MEI4: variants seen among roughly 807,000 people sequenced by gnomAD.
MEI4 encodes the protein meiosis-specific protein MEI4.
Under a neutral mutation model 31.4 loss-of-function variants are expected in MEI4, and 27 were observed. That is an observed-to-expected ratio of 0.86 (90% CI 0.63 to 1.19). MEI4 has a LOEUF of 1.19. Among genes scored for constraint, MEI4 ranks in the 50% most tolerant of loss-of-function variants. The probability of loss-of-function intolerance (pLI) is 0.00; values close to 1 mark genes in which losing one functional copy is unlikely to be tolerated. For missense variants in MEI4, 329 were observed against 398.9 expected (o/e 0.82, Z 1.49); for synonymous variants, 122 against 145.4 (o/e 0.84, Z 1.16).
chr6:77,789,381 C>A (rs1024477447), intron 3 of MEI4, among the ~76,000 whole-genome samples: 18 of 152,160 alleles, frequency 1.2e-4, no homozygotes, highest in Non-Finnish European at 2.6e-4. Flanking sequence ...AAAGCAATGA[C>A]AACAAAAGCC....
chr6:77,811,102 A>G (rs1444459526), intron 3 of MEI4, among the ~76,000 whole-genome samples: 12 of 152,210 alleles, frequency 7.9e-5, no homozygotes, highest in Non-Finnish European at 1.8e-4. Flanking sequence ...CATTGTTTGT[A>G]GATGATCTCC....
At chr6:77,879,238 T>C (rs1218023441) in intron 4 of MEI4, among the ~76,000 whole-genome samples, 2 of 152,228 alleles carry the variant, frequency 1.3e-5, no homozygotes, top group African/African-American at 4.8e-5. Flanking sequence ...TTTCTGTTTA[T>C]ATGCTGTGAA....
At position 77,925,030 on chromosome 6, in the gene MEI4, G is replaced by GTTGA. The variant is rs1766812194; in HGVS notation, c.*1686_*1689dup. 1.3e-5 allele frequency: 2 copies of GTTGA among 151,882 alleles called. No individual in the cohort carries two copies. Among genetic ancestry groups the GTTGA allele is most frequent in the Non-Finnish European group, 2.9e-5 (2 of 67,906 alleles). 9.4% of individuals were successfully genotyped at this position (151,882 alleles called of 1,614,324 possible). On this transcript the variant is annotated 3_prime_UTR_variant, in exon 5 of 5. Coordinates refer to ENST00000684080, the MANE Select transcript of MEI4 (RefSeq NM_001322247.2). ...GTGAAGGCTTATGGAAGTCACTTCAGTTGATATAGCATTACACAAAATCCA... is the reference window on the plus strand; with the variant it reads ...GTGAAGGCTTATGGAAGTCACTTCAGTTGATTGATATAGCATTACACAAAATCCA...
chr6:77,777,336 G>A (rs1408982166), intron 3 of MEI4, among the ~76,000 whole-genome samples: 1 of 152,052 alleles, frequency 6.6e-6, no homozygotes, highest in Non-Finnish European at 1.5e-5. Flanking sequence ...AGCTCTACTA[G>A]TTACCTCTGG....
chr6:77,735,755 C>G (rs752767702), intron 2 of MEI4, among the ~76,000 whole-genome samples: 3 of 152,022 alleles, frequency 2.0e-5, no homozygotes. Context: ...TTTTCCCCAT[C>G]TTTGTGGTTT....
chr6:77,658,385 A>G (rs1040565994), intron 1 of MEI4, among the ~76,000 whole-genome samples: 84 of 152,242 alleles, frequency 5.5e-4, no homozygotes, highest in African/African-American at 1.8e-3. Flanking sequence ...TGGATCTTCA[A>G]TTACTTTAGG....
intron 3 of MEI4, among the ~76,000 whole-genome samples, chr6:77,797,022 C>G (rs1431072486): frequency 1.3e-5 from 2 of 151,966 alleles, no homozygotes; most frequent in African/African-American, 2.4e-5. Flanking sequence ...ATAGATACCT[C>G]AAAAATAAAC....
chr6:77,849,418 G>T (rs999148029), intron 4 of MEI4, among the ~76,000 whole-genome samples: 1 of 152,160 alleles, frequency 6.6e-6, no homozygotes, highest in Non-Finnish European at 1.5e-5. Flanking sequence ...AGGTGCCTGT[G>T]TGTGTGAGAG....
chr6:77,734,012 T>G (rs893351496), intron 2 of MEI4, among the ~76,000 whole-genome samples: 3 of 152,092 alleles, frequency 2.0e-5, no homozygotes, highest in African/African-American at 7.3e-5. Flanking sequence ...ATAATTTCTT[T>G]TCTTTTACAC....
intron 3 of MEI4, among the ~76,000 whole-genome samples, chr6:77,764,994 A>G (rs1350409970): frequency 6.6e-6 from 1 of 152,218 alleles, no homozygotes; most frequent in African/African-American, 2.4e-5. Flanking sequence ...GAATGTCTAC[A>G]TCAAAAAATA....
At chr6:77,863,240 CTT>C (rs1331783110) in intron 4 of MEI4, among the ~76,000 whole-genome samples, 2 of 152,152 alleles carry the variant, frequency 1.3e-5, no homozygotes, top group Non-Finnish European at 2.9e-5. Context: ...TAGAGAATGA[CTT>C]TGATGAGTTT....
At chr6:77,660,818 C>T (rs557519632) in intron 1 of MEI4, among the ~76,000 whole-genome samples, 8 of 152,156 alleles carry the variant, frequency 5.3e-5, no homozygotes, top group East Asian at 3.9e-4. Flanking sequence ...ATCCTGCAGG[C>T]GGACGGCAGT....
intron 2 of MEI4, among the ~76,000 whole-genome samples, chr6:77,735,769 CTATTT>C (rs1767181479): frequency 6.6e-6 from 1 of 152,028 alleles, no homozygotes; most frequent in South Asian, 2.1e-4. Context: ...GTGGTTTTAT[CTATTT>C]TTGGTCTTTG....
rs557575074 is a variant in MEI4, at chr6:77,736,225, TC to T, written c.233-24900del. Among the ~76,000 whole-genome samples, 90 of 151,326 alleles carry T rather than the reference TC, an allele frequency of 5.9e-4. 4 individuals are homozygous for T. Among genetic ancestry groups the T allele is most frequent in the African/African-American group, 1.6e-3 (65 of 41,152 alleles). On this transcript the variant is annotated intron_variant, in intron 2 of 4. Coordinates refer to ENST00000684080, the MANE Select transcript of MEI4 (RefSeq NM_001322247.2). ...AAGCCTGGGCAATGGCGGGCGCCCCTCCCCCAACCTTGCTGCCCCCTTGCAG... is the reference window on the plus strand; with the variant it reads ...AAGCCTGGGCAATGGCGGGCGCCCCTCCCCAACCTTGCTGCCCCCTTGCAG...
chr6:77,656,096 C>T (rs1270018257), intron 1 of MEI4, among the ~76,000 whole-genome samples: 1 of 151,956 alleles, frequency 6.6e-6, no homozygotes, highest in Non-Finnish European at 1.5e-5. Flanking sequence ...TATTAGATTG[C>T]TTTCACCATG....
chr6:77,665,199 A>C (rs1768602878), intron 1 of MEI4, among the ~76,000 whole-genome samples: 1 of 151,856 alleles, frequency 6.6e-6, no homozygotes, highest in South Asian at 2.1e-4. Flanking sequence ...CGAGGCATGG[A>C]AATAAGGGGT....
intron 4 of MEI4, among the ~76,000 whole-genome samples, chr6:77,901,302 G>A (rs1028426217): frequency 6.6e-6 from 1 of 151,834 alleles, no homozygotes; most frequent in Non-Finnish European, 1.5e-5. Flanking sequence ...TCTGTTTTCT[G>A]TAATGACTCA....
At chr6:77,834,854 G>A (rs946623292) in intron 4 of MEI4, among the ~76,000 whole-genome samples, 1 of 152,030 alleles carries the variant, frequency 6.6e-6, no homozygotes, top group African/African-American at 2.4e-5. Context: ...AAAGTACCCG[G>A]TAGGACAAAG....
intron 1 of MEI4, among the ~76,000 whole-genome samples, chr6:77,661,169 A>G (rs144283395): frequency 0.054 from 8,240 of 152,240 alleles, 295 homozygotes; most frequent in East Asian, 0.18. Flanking sequence ...ATCCTTTTTA[A>G]GTTGGAGGCT....
Sources: gnomAD v4.1 joint callset for allele counts (sites outside exome capture counted in the v4.1 genomes callset) on GRCh38, gnomAD v4.1.1 for gene constraint, MANE v1.5 for transcripts, NCBI Gene and HGNC (gene_info 2026-07-23, HGNC 2026-07-21) for gene names.